SLFNL1: variants seen among roughly 807,000 people sequenced by gnomAD.
The protein encoded by SLFNL1 is schlafen-like protein 1.
A neutral mutation model predicts 32.5 loss-of-function variants in SLFNL1; 26 were observed. The observed-to-expected ratio is 0.80, with a 90% CI of 0.59 to 1.11. The LOEUF is 1.11. SLFNL1 is among the 50% of genes least tolerant of loss of function. The pLI is 0.00. For synonymous variants in SLFNL1, 255 were observed against 242.2 expected (o/e 1.05, Z -0.49); for missense variants, 553 against 546.5 (o/e 1.01, Z -0.12).
Position 41,015,998 on chromosome 1 carries a change from C to T in SLFNL1, c.*108G>A. On this transcript the variant is annotated 3_prime_UTR_variant, in exon 6 of 6. Coordinates refer to ENST00000302946, the MANE Select transcript of SLFNL1 (RefSeq NM_144990.4). ...GCCATGTTGAAGGAGTCCCTGTCCG[C>T]CTCTCAGCAGCCCGCATGGGCTTTA... The T allele has an allele frequency of 3.5e-6, 5 of 1,446,312 alleles. No individual in the cohort carries two copies. Among genetic ancestry groups the T allele is most frequent in the Non-Finnish European group, 4.6e-6 (5 of 1,080,890 alleles). The allele number at this position is 1,446,312 out of a possible 1,614,324, so 89.6% of individuals were successfully genotyped here. A position where few individuals can be genotyped will look rare whatever the true frequency, so the allele number is the denominator to read the frequency against.
In SLFNL1 at chr1:41,015,848, G is replaced by T; in HGVS notation, c.*258C>A. 1 of 381,690 alleles carries T rather than the reference G, an allele frequency of 2.6e-6. No individual in the cohort carries two copies. The highest frequency in any genetic ancestry group is 4.9e-5 in the East Asian group (1 of 20,242). 23.6% of individuals were successfully genotyped at this position (381,690 alleles called of 1,614,324 possible). On this transcript the variant is annotated 3_prime_UTR_variant, in exon 6 of 6. Coordinates refer to ENST00000302946, the MANE Select transcript of SLFNL1 (RefSeq NM_144990.4). ...TCCCTTATAGCTTAGCCCTAGGGGA[G>T]CTCTGGGCAGGGTTTTACACATTCT...
At chr1:41,018,842 T>G (rs1238664042) in intron 3 of SLFNL1, among the ~76,000 whole-genome samples, 1 of 140,340 alleles carries the variant, frequency 7.1e-6, no homozygotes, top group Admixed American at 7.1e-5. Flanking sequence ...TTTTTTTTTT[T>G]TTTTTTTTTT....
chr1:41,017,223 A>G lies in SLFNL1; in HGVS notation c.1101+11T>C, dbSNP rs1643412197. On this transcript the variant is annotated intron_variant, in intron 5 of 5. Coordinates refer to ENST00000302946, the MANE Select transcript of SLFNL1 (RefSeq NM_144990.4). The surrounding 1 kb of genome is among the most constrained non-coding windows in gnomAD (Gnocchi z 4.9). ...CCGCTCCACCCCACCCACTGGCCTC[A>G]GCTTCCGTACCTGCCTGCACCACTC... The G allele has an allele frequency of 1.3e-6, 2 of 1,550,826 alleles. No individual in the cohort carries two copies. The highest frequency in any genetic ancestry group is 8.7e-7 in the Non-Finnish European group (1 of 1,151,370).
chr1:41,016,313 G>A, intron 5 of SLFNL1, 85 bp from the exon 6 acceptor site: 2 of 1,551,228 alleles, frequency 1.3e-6, no homozygotes, highest in East Asian at 2.3e-5. Flanking sequence ...ACTGAGGGAG[G>A]AAGGCAAAGC....
intron 3 of SLFNL1, chr1:41,018,541 A>G (rs1643541659): frequency 5.2e-6 from 1 of 191,340 alleles, no homozygotes; most frequent in Non-Finnish European, 1.1e-5. Flanking sequence ...TCCAGCAGGT[A>G]TCTCAGCACC....
At chr1:41,018,282 G>T in intron 3 of SLFNL1, 126 bp from the exon 4 acceptor site, 2 of 985,608 alleles carry the variant, frequency 2.0e-6, no homozygotes, top group South Asian at 2.1e-5. Flanking sequence ...ACATCCTGAT[G>T]CCCCTCACCA....
chr1:41,020,169 C>G, intron 3 of SLFNL1, 57 bp downstream of exon 3: 1 of 1,514,156 alleles, frequency 6.6e-7, no homozygotes, highest in Non-Finnish European at 8.9e-7. Flanking sequence ...CACTCCCACT[C>G]AGAGGCTCTC....
chr1:41,020,135 C>G, intron 3 of SLFNL1, 91 bp downstream of exon 3: 1 of 1,333,218 alleles, frequency 7.5e-7, no homozygotes, highest in Non-Finnish European at 1.0e-6. Context: ...CCCAGAGACA[C>G]CCCTCCATCC....
Position 41,020,651 on chromosome 1 carries a change from T to G in SLFNL1, c.10A>C (p.Met4Leu). ...ACCTGTGTTTGCACTGATCTCTTCA[T>G]GGGGGTCATGGGAAGGCTCTCCCTG... MTPMKRSVQTQVSE... is the reference protein window; with the variant it reads MTPLKRSVQTQVSE... The change falls in exon 3 of 6, where the codon ATG (methionine) becomes CTG (leucine). Residue 4 changes from methionine to leucine, a missense_variant. By Grantham distance (15) the Met-to-Leu change is conservative. Coordinates refer to ENST00000302946, the MANE Select transcript of SLFNL1 (RefSeq NM_144990.4). 6.2e-7 allele frequency: 1 copy of G among 1,604,908 alleles called. No homozygotes were observed. Among genetic ancestry groups the G allele is most frequent in the Non-Finnish European group, 8.5e-7 (1 of 1,173,308 alleles).
Position 41,017,277 on chromosome 1 carries a change from T to C in SLFNL1, c.1058A>G (p.Gln353Arg). ...EVFLRRDGSI[Q>R]GPLSASAIQE... is the part of the protein sequence containing the mutation. ...GATGGCGCTGGCAGACAGCGGGCCC[T>C]GGATGCTCCCGTCGCGCCGCAGAAA... Residue 353 changes from glutamine to arginine, a missense_variant, in exon 5 of 6, where the codon CAG (glutamine) becomes CGG (arginine). Physicochemically the swap from Gln to Arg is conservative, Grantham distance 43. Coordinates refer to ENST00000302946, the MANE Select transcript of SLFNL1 (RefSeq NM_144990.4). The surrounding 1 kb of genome is among the most constrained non-coding windows in gnomAD (Gnocchi z 4.9). 1.2e-6 allele frequency: 2 copies of C among 1,608,124 alleles called. No homozygotes were observed. The highest frequency in any genetic ancestry group is 1.1e-5 in the South Asian group (1 of 90,086).
Position 41,018,021 on chromosome 1 carries a change from G to C in SLFNL1, c.571C>G (p.Arg191Gly), listed in dbSNP as rs41268105. ...QAQQLQSCQG[R>G]PSGVCSDSAI... ...CTGTCGGAGCACACGCCGCTGGGCCGGCCCTGGCAGCTCTGCAGCTGCTGG... is the reference window on the plus strand; with the variant it reads ...CTGTCGGAGCACACGCCGCTGGGCCCGCCCTGGCAGCTCTGCAGCTGCTGG... Residue 191 changes from arginine to glycine, a missense_variant, in exon 4 of 6, where the codon CGG (arginine) becomes GGG (glycine). Arg to Gly is a moderately radical substitution (Grantham distance 125). Transcript: ENST00000302946. 6.2e-7 allele frequency: 1 copy of C among 1,600,278 alleles called. No individual in the cohort carries two copies. Among genetic ancestry groups the C allele is most frequent in the Non-Finnish European group, 8.5e-7 (1 of 1,174,378 alleles).
chr1:41,016,211 C>T lies in SLFNL1; in HGVS notation c.1119G>A (p.Leu373=), dbSNP rs1325885573. Residue 373 remains leucine (L), a synonymous_variant, in exon 6 of 6, where the codon CTG becomes CTA. Transcript: ENST00000302946. Reference sequence around the variant, plus strand: ...CCTTCATCTTCTCTTCCAGCTTGCCCAGCTCCACCAGCCACCTCTGAGGGG... The same window carrying T: ...CCTTCATCTTCTCTTCCAGCTTGCCTAGCTCCACCAGCCACCTCTGAGGGG... ...EWCRQRWLVE[L]GKLEEKMKAL... is the part of the protein sequence containing the mutation. 1.2e-6 allele frequency: 2 copies of T among 1,614,154 alleles called. No individual in the cohort carries two copies. The highest frequency in any genetic ancestry group is 1.6e-4 in the Middle Eastern group (1 of 6,062).
intron 3 of SLFNL1, among the ~76,000 whole-genome samples, chr1:41,018,828 G>GTTTT (rs34061852): frequency 0.011 from 661 of 60,658 alleles, 49 homozygotes; most frequent in Middle Eastern, 0.043. Flanking sequence ...CAACCCTCCT[G>GTTTT]TTTTTTTTTT....
chr1:41,016,193 C>T lies in SLFNL1; in HGVS notation c.1137G>A (p.Lys379=), dbSNP rs1208921638. Residue 379 remains lysine (K), a synonymous_variant, in exon 6 of 6, where the codon AAG becomes AAA. Transcript: ENST00000302946. ...WLVELGKLEE[K]MKALMMEKEQ... ...CCTTCTCCATCATCAGCGCCTTCAT[C>T]TTCTCTTCCAGCTTGCCCAGCTCCA... 1 of 1,612,402 alleles carries T rather than the reference C, an allele frequency of 6.2e-7. No homozygotes were observed. Among genetic ancestry groups the T allele is most frequent in the Non-Finnish European group, 8.5e-7 (1 of 1,180,014 alleles).
In SLFNL1 at chr1:41,017,452, G is replaced by T; in HGVS notation, c.958-75C>A. On this transcript the variant is annotated intron_variant, in intron 4 of 5. Transcript: ENST00000302946. The surrounding 1 kb of genome is among the most constrained non-coding windows in gnomAD (Gnocchi z 4.9). ...AGCCCCCATCCTGCCAGGCTGCTCA[G>T]CATTGCTCACTGATTCCTTAGGGCA... The T allele has an allele frequency of 6.4e-7, 1 of 1,555,832 alleles. No homozygotes were observed. The highest frequency in any genetic ancestry group is 1.2e-5 in the South Asian group (1 of 83,316).
intron 3 of SLFNL1, 132 bp from the exon 4 acceptor site, chr1:41,018,288 C>T (rs1643521829): frequency 8.4e-6 from 8 of 948,112 alleles, no homozygotes; most frequent in Middle Eastern, 5.4e-4. Context: ...TGATGCCCCT[C>T]ACCAGGCCGA....
At position 41,017,280 on chromosome 1, in the gene SLFNL1, A is replaced by G. The variant is rs368920875; in HGVS notation, c.1055T>C (p.Ile352Thr). The G allele has an allele frequency of 2.5e-6, 4 of 1,608,528 alleles. No individual in the cohort carries two copies. The highest frequency in any genetic ancestry group is 3.4e-6 in the Non-Finnish European group (4 of 1,178,118). The change falls in exon 5 of 6, where the codon ATC becomes ACC. Residue 352 changes from isoleucine (I) to threonine (T), a missense_variant. Ile to Thr is a moderately conservative substitution (Grantham distance 89). Transcript: ENST00000302946. This position sits in a 1 kb window ranked among gnomAD's most constrained non-coding sequence, Gnocchi z 4.9. ...GEVFLRRDGS[I>T]QGPLSASAIQ... is the part of the protein sequence containing the mutation. Reference sequence around the variant, plus strand: ...GGCGCTGGCAGACAGCGGGCCCTGGATGCTCCCGTCGCGCCGCAGAAACAC... The same window carrying G: ...GGCGCTGGCAGACAGCGGGCCCTGGGTGCTCCCGTCGCGCCGCAGAAACAC...
intron 3 of SLFNL1, 79 bp from the exon 4 acceptor site, chr1:41,018,235 C>A: frequency 7.3e-7 from 1 of 1,375,658 alleles, no homozygotes; most frequent in Admixed American, 2.9e-5. Context: ...CTGCAAGAAC[C>A]CCCAGTCAGG....
At position 41,020,483 on chromosome 1, in the gene SLFNL1, C is replaced by T. The variant is rs1476132678; in HGVS notation, c.178G>A (p.Val60Met). ...CGCAGCAGGCAGGCAAGCACCGGCA[C>T]TGAGAACTGGGGGTTCAGATGGCCC... Reference protein sequence around the residue: ...YVGHLNPQFSVPVLACLLRDT... With the variant: ...YVGHLNPQFSMPVLACLLRDT... Residue 60 changes from valine (V) to methionine (M), a missense_variant, in exon 3 of 6, where the codon GTG (valine) becomes ATG (methionine). Transcript: ENST00000302946. The T allele has an allele frequency of 1.9e-6, 3 of 1,613,428 alleles. No homozygotes were observed. The highest frequency in any genetic ancestry group is 1.1e-5 in the South Asian group (1 of 91,086).
Sources: gnomAD v4.1 joint callset for allele counts (sites outside exome capture counted in the v4.1 genomes callset) on GRCh38, gnomAD v4.1.1 for gene constraint, Gnocchi (gnomAD v3.1) non-coding constraint, MANE v1.5 for transcripts, NCBI Gene and HGNC (gene_info 2026-07-23, HGNC 2026-07-21) for gene names.